Variants in RSU1 observed in about 807,000 individuals in gnomAD.
RSU1 encodes the protein Ras suppressor protein 1.
In RSU1, 26 loss-of-function variants were observed where a neutral mutation model predicts 31.1. The observed-to-expected ratio is 0.84, with a 90% confidence interval of 0.61 to 1.16. The LOEUF (loss-of-function observed/expected upper bound fraction) is 1.16, where lower values mean the gene tolerates loss of function less well. Among genes scored for constraint, RSU1 ranks in the 50% most tolerant of loss-of-function variants. The pLI, the probability that RSU1 is intolerant of heterozygous loss-of-function variation, is 0.00. For synonymous variants in RSU1, 164 were observed against 136.3 expected (o/e 1.20, Z -1.41); for missense variants, 320 against 339.1 (o/e 0.94, Z 0.44).
intron 2 of RSU1, among the ~76,000 whole-genome samples, chr10:16,805,440 G>A (rs1227941271): frequency 2.0e-5 from 3 of 152,060 alleles, no homozygotes; most frequent in Non-Finnish European, 4.4e-5. Context: ...GGGAGGCCGA[G>A]GAGGGTGGAT....
chr10:16,726,856 T>C (rs1031775931), intron 7 of RSU1, among the ~76,000 whole-genome samples: 5 of 152,134 alleles, frequency 3.3e-5, no homozygotes, highest in African/African-American at 4.8e-5. Flanking sequence ...TCTGTAGGCA[T>C]TGGATGAAGC....
rs919452908 is a variant in RSU1, at chr10:16,701,004, T to A, written c.599-5849A>T. ...GTTTATGTGTAAAAGAAGAAAAGGA[T>A]AATATTAAGTTTTTAAGGTTGATTT... On this transcript the variant is annotated intron_variant, in intron 7 of 8. Transcript: ENST00000345264. Among the ~76,000 whole-genome samples the A allele has an allele frequency of 3.3e-5, 5 of 152,292 alleles. No homozygotes were observed. In the East Asian group the frequency reaches 9.7e-4, roughly 29 times the overall value.
intron 8 of RSU1, among the ~76,000 whole-genome samples, chr10:16,667,753 G>A (rs1325346276): frequency 1.3e-5 from 2 of 152,122 alleles, no homozygotes; most frequent in Admixed American, 6.5e-5. Flanking sequence ...TTCCCAAGGT[G>A]CTGCAATTAC....
At chr10:16,707,209 G>A (rs1835924038) in intron 7 of RSU1, among the ~76,000 whole-genome samples, 2 of 152,166 alleles carry the variant, frequency 1.3e-5, no homozygotes. Context: ...AAACATGGGA[G>A]TTGAAGTTTT....
intron 7 of RSU1, among the ~76,000 whole-genome samples, chr10:16,742,651 G>C (rs532474990): frequency 6.6e-6 from 1 of 152,102 alleles, no homozygotes; most frequent in Non-Finnish European, 1.5e-5. Flanking sequence ...AGCACTGCCG[G>C]CATTTCTCCC....
chr10:16,816,938 G>C, intron 2 of RSU1, 35 bp downstream of exon 2: 1 of 1,451,852 alleles, frequency 6.9e-7, no homozygotes, highest in Non-Finnish European at 9.7e-7. Context: ...AAGCCTTCCA[G>C]CTCATCCACG....
intron 7 of RSU1, among the ~76,000 whole-genome samples, chr10:16,746,636 C>T (rs1225004597): frequency 1.3e-5 from 2 of 150,694 alleles, no homozygotes; most frequent in African/African-American, 4.9e-5. Context: ...GCTAACAAAC[C>T]CCAGGTGACG....
chr10:16,793,484 G>A (rs1837969039), intron 2 of RSU1, among the ~76,000 whole-genome samples: 1 of 152,174 alleles, frequency 6.6e-6, no homozygotes, highest in African/African-American at 2.4e-5. Context: ...TAAGGAGAAA[G>A]AAGACAGACA....
At chr10:16,723,909 A>T (rs902802894) in intron 7 of RSU1, among the ~76,000 whole-genome samples, 6 of 152,146 alleles carry the variant, frequency 3.9e-5, no homozygotes, top group Non-Finnish European at 7.3e-5. Flanking sequence ...TGTTAAATGC[A>T]CTTATTCCTA....
intron 7 of RSU1, among the ~76,000 whole-genome samples, chr10:16,703,278 T>G (rs1462165856): frequency 3.3e-5 from 5 of 152,238 alleles, no homozygotes; most frequent in African/African-American, 1.2e-4. Flanking sequence ...GAGAACAGAC[T>G]AATACAGCAG....
At chr10:16,718,098 A>T (rs1004070588) in intron 7 of RSU1, among the ~76,000 whole-genome samples, 12 of 9,662 alleles carry the variant, frequency 1.2e-3, no homozygotes, top group Non-Finnish European at 1.7e-3. Context: ...CAATTTATTT[A>T]AAAAAAAAAA....
chr10:16,696,533 C>T lies in RSU1; in HGVS notation c.599-1378G>A, dbSNP rs12256088. On this transcript the variant is annotated intron_variant, in intron 7 of 8. Transcript: ENST00000345264. Reference sequence around the variant, plus strand: ...CACAAAATCTTTTTAAGAAAATACACACTACTAAATATCAAGAGAGAGTAA... The same window carrying T: ...CACAAAATCTTTTTAAGAAAATACATACTACTAAATATCAAGAGAGAGTAA... Among the ~76,000 whole-genome samples the T allele has an allele frequency of 7.9e-3, 1,201 of 152,266 alleles. 11 individuals are homozygous for T. Among genetic ancestry groups the T allele is most frequent in the African/African-American group, 0.027 (1,139 of 41,544 alleles).
chr10:16,817,410 C>G lies in RSU1; in HGVS notation c.-99G>C, dbSNP rs1408347776. On this transcript the variant is annotated 5_prime_UTR_variant, in exon 1 of 9. Coordinates refer to ENST00000345264, the MANE Select transcript of RSU1 (RefSeq NM_012425.4). Reference sequence around the variant, plus strand: ...CACTCCCTGCAACACCGGCACTGAACAGCGAACACGCCCTGTCTCGGCGCC... The same window carrying G: ...CACTCCCTGCAACACCGGCACTGAAGAGCGAACACGCCCTGTCTCGGCGCC... The G allele has an allele frequency of 1.4e-5, 4 of 278,270 alleles. No individual in the cohort carries two copies. The highest frequency in any genetic ancestry group is 2.1e-5 in the Non-Finnish European group (3 of 143,586). 17.2% of individuals were successfully genotyped at this position (278,270 alleles called of 1,614,324 possible).
At chr10:16,722,172 T>G (rs1425556900) in intron 7 of RSU1, among the ~76,000 whole-genome samples, 1 of 152,222 alleles carries the variant, frequency 6.6e-6, no homozygotes, top group East Asian at 1.9e-4. Context: ...GTTAATCTCT[T>G]ACTGTGCCTG....
intron 8 of RSU1, among the ~76,000 whole-genome samples, chr10:16,684,378 G>A (rs1835398914): frequency 6.6e-6 from 1 of 152,124 alleles, no homozygotes; most frequent in African/African-American, 2.4e-5. Context: ...CTCTAGATAC[G>A]AATTTTGGCA....
chr10:16,716,612 C>T (rs1387783672), intron 7 of RSU1, among the ~76,000 whole-genome samples: 2 of 152,048 alleles, frequency 1.3e-5, no homozygotes, highest in Admixed American at 6.6e-5. Flanking sequence ...CAGGGGACTG[C>T]CTCTTCAGGA....
At chr10:16,721,974 C>G (rs192169547) in intron 7 of RSU1, among the ~76,000 whole-genome samples, 2 of 152,294 alleles carry the variant, frequency 1.3e-5, no homozygotes, top group East Asian at 3.9e-4. Context: ...ACTACCGTGA[C>G]TATTGCTACT....
chr10:16,687,428 T>A (rs1257618974), intron 8 of RSU1, among the ~76,000 whole-genome samples: 2 of 152,160 alleles, frequency 1.3e-5, no homozygotes, highest in Non-Finnish European at 2.9e-5. Flanking sequence ...ACATCATATA[T>A]TGAATAAATT....
chr10:16,668,815 C>T (rs1483357819), intron 8 of RSU1, among the ~76,000 whole-genome samples: 2 of 152,114 alleles, frequency 1.3e-5, no homozygotes, highest in African/African-American at 4.8e-5. Context: ...ACACTTTTCC[C>T]ACTGTGATGT....
Sources: gnomAD v4.1 joint callset for allele counts (sites outside exome capture counted in the v4.1 genomes callset) on GRCh38, gnomAD v4.1.1 for gene constraint, MANE v1.5 for transcripts, NCBI Gene and HGNC (gene_info 2026-07-23, HGNC 2026-07-21) for gene names.